The following ABCA12 variants were observed in gnomAD, a reference collection of about 807,000 sequenced individuals.
The protein encoded by ABCA12 is glucosylceramide transporter ABCA12.
In ABCA12, 156 loss-of-function variants were observed where a neutral mutation model predicts 293.5. The observed-to-expected ratio is 0.53, with a 90% confidence interval of 0.47 to 0.61. ABCA12 has a LOEUF of 0.61. ABCA12 is among the 20% of genes least tolerant of loss of function. The pLI is 0.00. For missense variants in ABCA12, 2,797 were observed against 3,090.2 expected (o/e 0.91, Z 2.25); for synonymous variants, 1,063 against 1,108.0 (o/e 0.96, Z 0.81).
chr2:214,959,404 A>C (rs1699050675), intron 39 of ABCA12, among the ~76,000 whole-genome samples: 1 of 151,980 alleles, frequency 6.6e-6, no homozygotes, highest in South Asian at 2.1e-4. Context: ...CTATCTGGTC[A>C]TATATATGTT....
chr2:215,043,004 T>C (rs986356055), intron 7 of ABCA12, among the ~76,000 whole-genome samples: 6 of 152,192 alleles, frequency 3.9e-5, no homozygotes, highest in African/African-American at 1.4e-4. Context: ...TTTTCCACAA[T>C]GGCCATTCTA....
intron 36 of ABCA12, among the ~76,000 whole-genome samples, chr2:214,972,937 C>T (rs12614470): frequency 6.6e-6 from 1 of 152,112 alleles, no homozygotes; most frequent in African/African-American, 2.4e-5. Flanking sequence ...CCTCAGCCTC[C>T]TGAGTAGCTG....
At chr2:215,111,550 A>T in intron 2 of ABCA12, 47 bp downstream of exon 2, 1 of 1,485,740 alleles carries the variant, frequency 6.7e-7, no homozygotes, top group Non-Finnish European at 9.4e-7. Flanking sequence ...AATAAATTTT[A>T]ACTAGAATCC....
intron 2 of ABCA12, 109 bp from the exon 3 acceptor site, chr2:215,064,328 C>T (rs141753327): frequency 4.5e-4 from 536 of 1,182,960 alleles, no homozygotes; most frequent in Non-Finnish European, 5.7e-4. Flanking sequence ...TACCACTCTC[C>T]GGGTCCCCCA....
intron 22 of ABCA12, among the ~76,000 whole-genome samples, chr2:215,000,104 T>C (rs888102080): frequency 2.0e-5 from 3 of 152,220 alleles, no homozygotes; most frequent in African/African-American, 7.2e-5. Context: ...AACATTCAAA[T>C]TGAATTGTCT....
chr2:215,137,502 G>A (rs1054862431), intron 1 of ABCA12, among the ~76,000 whole-genome samples: 1 of 152,174 alleles, frequency 6.6e-6, no homozygotes, highest in Non-Finnish European at 1.5e-5. Flanking sequence ...AAACATTAAT[G>A]TAAGAGTACA....
chr2:215,106,748 C>T (rs201141488), intron 2 of ABCA12, among the ~76,000 whole-genome samples: 2 of 101,598 alleles, frequency 2.0e-5, no homozygotes, highest in African/African-American at 6.6e-5. Flanking sequence ...GCTTTGGAGG[C>T]AAAAAAAAAA....
At chr2:215,058,758 C>T (rs756726508) in intron 3 of ABCA12, among the ~76,000 whole-genome samples, 5 of 151,966 alleles carry the variant, frequency 3.3e-5, no homozygotes, top group African/African-American at 4.8e-5. Flanking sequence ...TAGATTCTGC[C>T]TCAGTGACAT....
chr2:215,130,632 T>A (rs1161873387), intron 1 of ABCA12, among the ~76,000 whole-genome samples: 4 of 151,916 alleles, frequency 2.6e-5, no homozygotes, highest in East Asian at 1.9e-4. Flanking sequence ...TCTAGAGGAG[T>A]CTTTAGGGTT....
chr2:214,982,485 T>C (rs1699691447), intron 29 of ABCA12, 102 bp from the exon 30 acceptor site: 3 of 913,196 alleles, frequency 3.3e-6, no homozygotes, highest in Non-Finnish European at 5.2e-6. Context: ...AGGTAACTAT[T>C]ATGTGCTCAG....
chr2:215,081,747 CA>C (rs1358045824), intron 2 of ABCA12, among the ~76,000 whole-genome samples: 1 of 151,946 alleles, frequency 6.6e-6, no homozygotes, highest in Non-Finnish European at 1.5e-5. Context: ...TATACACACA[CA>C]ATACATATGT....
chr2:214,981,090 G>GA (rs771209301), intron 30 of ABCA12, among the ~76,000 whole-genome samples: 2,686 of 121,896 alleles, frequency 0.022, 67 homozygotes, highest in African/African-American at 0.069. Context: ...ATCTCAAAGG[G>GA]AAAAAAAAAA....
chr2:215,104,182 C>T (rs1242576261), intron 2 of ABCA12, among the ~76,000 whole-genome samples: 1 of 152,048 alleles, frequency 6.6e-6, no homozygotes, highest in African/African-American at 2.4e-5. Flanking sequence ...AGACAATCAC[C>T]TTTGGGAAGC....
chr2:215,095,255 C>G (rs1180301151), intron 2 of ABCA12, among the ~76,000 whole-genome samples: 3 of 151,922 alleles, frequency 2.0e-5, no homozygotes, highest in Non-Finnish European at 4.4e-5. Context: ...AGCCCAAAAA[C>G]TCACCAACCA....
chr2:215,019,275 G>T, intron 13 of ABCA12, 61 bp downstream of exon 13: 2 of 1,479,016 alleles, frequency 1.4e-6, no homozygotes, highest in Non-Finnish European at 1.9e-6. Context: ...TTCTTAAACT[G>T]CAGCGTGAGA....
intron 1 of ABCA12, among the ~76,000 whole-genome samples, chr2:215,120,536 G>T (rs1702785316): frequency 6.6e-6 from 1 of 152,122 alleles, no homozygotes; most frequent in African/African-American, 2.4e-5. Context: ...TGTGTTGGAT[G>T]GAGCGTAAGA....
chr2:215,074,556 G>A, intron 2 of ABCA12, among the ~76,000 whole-genome samples: 1 of 152,202 alleles, frequency 6.6e-6, no homozygotes, highest in East Asian at 1.9e-4. Context: ...TCTGTGTATT[G>A]ATAGAGGTTG....
chr2:215,017,438 A>G (rs79296553), intron 14 of ABCA12, among the ~76,000 whole-genome samples: 4,780 of 152,284 alleles, frequency 0.031, 240 homozygotes, highest in African/African-American at 0.11. Context: ...AGTTCCCTTG[A>G]CCACATCTAT....
At chr2:215,045,688 C>A (rs571780526) in intron 7 of ABCA12, 149 bp downstream of exon 7, 89 of 734,970 alleles carry the variant, frequency 1.2e-4, no homozygotes, top group Non-Finnish European at 1.9e-4. Context: ...AATACACTCA[C>A]CTTCACTGCT....
Sources: gnomAD v4.1 joint callset for allele counts (sites outside exome capture counted in the v4.1 genomes callset) on GRCh38, gnomAD v4.1.1 for gene constraint, MANE v1.5 for transcripts, NCBI Gene and HGNC (gene_info 2026-07-23, HGNC 2026-07-21) for gene names.